PCDH15: variants seen among roughly 807,000 people sequenced by gnomAD.
PCDH15 encodes protocadherin related 15.
PCDH15 carries 129 observed loss-of-function variants against 178.5 expected under a neutral mutation model. The ratio of observed to expected loss-of-function variants is 0.72; its 90% confidence interval spans 0.63 to 0.84. PCDH15 has a LOEUF of 0.84. Among genes scored for constraint, PCDH15 ranks in the 40% least tolerant of loss-of-function variants. The pLI, the probability that PCDH15 is intolerant of heterozygous loss-of-function variation, is 0.00. For synonymous variants in PCDH15, 800 were observed against 732.0 expected, an observed-to-expected ratio of 1.09 and a Z score of -1.50; for missense variants, 2,230 against 2,099.9, an observed-to-expected ratio of 1.06 and a Z score of -1.21.
chr10:55,284,193 G>A (rs1265481399), intron 1 of PCDH15, among the ~76,000 whole-genome samples: 1 of 146,240 alleles, frequency 6.8e-6, no homozygotes, highest in African/African-American at 2.8e-5. Context: ...TAGCTACTCA[G>A]GCCTATGCTA....
intron 2 of PCDH15, among the ~76,000 whole-genome samples, chr10:55,453,892 T>C (rs1171478125): frequency 1.3e-5 from 2 of 152,168 alleles, no homozygotes; most frequent in Non-Finnish European, 2.9e-5. Context: ...ATCTGGAGAA[T>C]CTAAGAGTAC....
At chr10:55,246,357 A>C (rs1841679451) in intron 1 of PCDH15, among the ~76,000 whole-genome samples, 1 of 152,216 alleles carries the variant, frequency 6.6e-6, no homozygotes, top group South Asian at 2.1e-4. Flanking sequence ...TAATATTGAG[A>C]ATAAATACAC....
chr10:54,897,485 A>G (rs1367047188), exon 3 of PCDH15: 1 of 152,242 alleles, frequency 6.6e-6, no homozygotes, highest in Non-Finnish European at 1.5e-5. Flanking sequence ...ATTTCGAAAC[A>G]TGACAATGCA....
intron 1 of PCDH15, among the ~76,000 whole-genome samples, chr10:55,205,621 T>C (rs1307369614): frequency 6.6e-6 from 1 of 152,048 alleles, no homozygotes; most frequent in Non-Finnish European, 1.5e-5. Context: ...TATTATTGCT[T>C]TCAAAATTTG....
chr10:55,526,260 A>C (rs1156971040), intron 2 of PCDH15, among the ~76,000 whole-genome samples: 1 of 152,000 alleles, frequency 6.6e-6, no homozygotes, highest in Non-Finnish European at 1.5e-5. Context: ...CATTTCATAT[A>C]GTAAAAAGTA....
intron 14 of PCDH15, among the ~76,000 whole-genome samples, chr10:54,148,951 T>A (rs926623830): frequency 7.2e-5 from 11 of 152,062 alleles, no homozygotes; most frequent in Non-Finnish European, 1.5e-4. Flanking sequence ...TAGATAAGTC[T>A]AAGTTTCTTA....
chr10:54,649,177 T>C (rs2135151776), intron 2 of PCDH15, among the ~76,000 whole-genome samples: 1 of 152,292 alleles, frequency 6.6e-6, no homozygotes, highest in Admixed American at 6.5e-5. Flanking sequence ...GAAAGGCAGC[T>C]AATAATCCGA....
chr10:54,655,298 G>C (rs112220543), intron 2 of PCDH15, among the ~76,000 whole-genome samples: 30 of 112,610 alleles, frequency 2.7e-4, no homozygotes, highest in Non-Finnish European at 3.7e-4. Context: ...GAGAGAGAGA[G>C]AGAGACAGAG....
At chr10:55,141,640 T>C (rs1838355891) in intron 2 of PCDH15, among the ~76,000 whole-genome samples, 1 of 152,114 alleles carries the variant, frequency 6.6e-6, no homozygotes, top group Admixed American at 6.6e-5. Context: ...AGTAAAATGC[T>C]TTTATATTTT....
intron 25 of PCDH15, among the ~76,000 whole-genome samples, chr10:53,931,975 A>G (rs1013079725): frequency 1.3e-5 from 2 of 152,120 alleles, no homozygotes; most frequent in East Asian, 3.9e-4. Context: ...CTATTACCTG[A>G]CCTTGGAGAT....
At chr10:54,157,405 T>C (rs936359424) in intron 13 of PCDH15, among the ~76,000 whole-genome samples, 2 of 152,196 alleles carry the variant, frequency 1.3e-5, no homozygotes, top group Non-Finnish European at 2.9e-5. Context: ...TTGAAACCTC[T>C]GAAGCCACAG....
chr10:55,163,591 C>A (rs1321509208), intron 2 of PCDH15, among the ~76,000 whole-genome samples: 1 of 152,058 alleles, frequency 6.6e-6, no homozygotes, highest in Admixed American at 6.6e-5. Context: ...GTCACAAAAA[C>A]CCAGCTGTTA....
intron 21 of PCDH15, among the ~76,000 whole-genome samples, chr10:53,976,063 T>C (rs1046164083): frequency 2.6e-5 from 4 of 152,184 alleles, no homozygotes; most frequent in Admixed American, 2.6e-4. Flanking sequence ...TTTTGTCACA[T>C]GTCAGATGGT....
At chr10:53,835,855 T>C (rs1158072732) in intron 29 of PCDH15, among the ~76,000 whole-genome samples, 3 of 152,198 alleles carry the variant, frequency 2.0e-5, no homozygotes, top group Admixed American at 6.5e-5. Context: ...TGAAAACTTC[T>C]TTGCGTAGAT....
At chr10:54,087,731 A>G (rs11004063) in intron 16 of PCDH15, among the ~76,000 whole-genome samples, 11,885 of 152,276 alleles carry the variant, frequency 0.078, 836 homozygotes, top group African/African-American at 0.19. Context: ...TCCAAAGTGT[A>G]GTCATAGTTT....
chr10:55,497,296 A>AT lies in PCDH15; in HGVS notation c.-156+130328dup, dbSNP rs199801617. ...AGGTGCACACCATGACGCCTGGCTG[A>AT]TTTTTTTTTTTAATTTTTTGTAGAG... On this transcript the variant is annotated intron_variant, in intron 2 of 5. Transcript: ENST00000613346. Among the ~76,000 whole-genome samples, 89 of 147,384 alleles carry AT rather than the reference A, an allele frequency of 6.0e-4. 1 individual carries two copies. In the South Asian group the frequency reaches 0.013, roughly 22 times the overall value.
intron 3 of PCDH15, among the ~76,000 whole-genome samples, chr10:54,877,156 G>T (rs1440489531): frequency 2.6e-5 from 4 of 151,976 alleles, no homozygotes; most frequent in African/African-American, 4.8e-5. Flanking sequence ...TAACTATAAG[G>T]TATTTTCTAA....
intron 2 of PCDH15, among the ~76,000 whole-genome samples, chr10:55,060,945 C>A (rs1467371953): frequency 6.6e-6 from 1 of 151,836 alleles, no homozygotes; most frequent in Non-Finnish European, 1.5e-5. Flanking sequence ...TAATCACAGT[C>A]CTAAATGTAA....
intron 3 of PCDH15, among the ~76,000 whole-genome samples, chr10:54,857,612 A>T (rs1047227536): frequency 4.1e-5 from 6 of 145,068 alleles, no homozygotes; most frequent in Non-Finnish European, 7.6e-5. Context: ...TGCCTGGCTA[A>T]TTTTTTTTTC....
Sources: allele counts gnomAD v4.1 joint callset (sites outside exome capture counted in the v4.1 genomes callset), GRCh38; gene constraint gnomAD v4.1.1; transcripts MANE v1.5; gene names NCBI Gene and HGNC (gene_info 2026-07-23, HGNC 2026-07-21).